MCM3AP: variants seen among roughly 807,000 people sequenced by gnomAD.
MCM3AP encodes germinal-center associated nuclear protein.
A neutral mutation model predicts 184.1 loss-of-function variants in MCM3AP; 126 were observed. The ratio of observed to expected loss-of-function variants is 0.68; its 90% confidence interval spans 0.59 to 0.79. The LOEUF (loss-of-function observed/expected upper bound fraction) is 0.79. Among genes scored for constraint, MCM3AP ranks in the 30% least tolerant of loss-of-function variants. The pLI is 0.00. For missense variants in MCM3AP, 2,496 were observed against 2,479.2 expected (o/e 1.01, Z -0.14); for synonymous variants, 1,002 against 979.3 (o/e 1.02, Z -0.43).
intron 16 of MCM3AP, among the ~76,000 whole-genome samples, chr21:46,258,587 T>C (rs1038040226): frequency 1.3e-5 from 2 of 152,342 alleles, no homozygotes; most frequent in Admixed American, 6.5e-5. Context: ...TTCACCCTTA[T>C]TGGTGCATGC....
intron 3 of MCM3AP, 83 bp downstream of exon 3, chr21:46,280,414 T>C (rs2081317116): frequency 1.9e-6 from 2 of 1,052,980 alleles, no homozygotes; most frequent in Non-Finnish European, 2.8e-6. Flanking sequence ...AAGATCAGAC[T>C]GGGCAACATA....
At chr21:46,261,711 C>T (rs1435825768) in intron 13 of MCM3AP, among the ~76,000 whole-genome samples, 5 of 136,438 alleles carry the variant, frequency 3.7e-5, no homozygotes, top group South Asian at 2.3e-4. Context: ...CCAGCCTGGG[C>T]GACACAGCGA....
intron 20 of MCM3AP, chr21:46,249,758 T>C: frequency 3.0e-6 from 1 of 334,040 alleles, no homozygotes; most frequent in South Asian, 2.4e-5. Context: ...TCCTGTGCAG[T>C]CTGTGTTTGC....
chr21:46,281,135 T>C (rs1254707294), intron 2 of MCM3AP, among the ~76,000 whole-genome samples: 1 of 152,184 alleles, frequency 6.6e-6, no homozygotes, highest in Non-Finnish European at 1.5e-5. Flanking sequence ...CTTTGCTTCA[T>C]AGAACTCACA....
intron 26 of MCM3AP, 132 bp from the exon 27 acceptor site, chr21:46,237,111 T>TG (rs2080550639): frequency 2.7e-6 from 1 of 368,670 alleles, no homozygotes; most frequent in Non-Finnish European, 4.5e-6. Context: ...TTTTTTTTTT[T>TG]TTTTTTTTGA....
chr21:46,269,389 G>A (rs2081153001), intron 9 of MCM3AP, among the ~76,000 whole-genome samples: 1 of 152,142 alleles, frequency 6.6e-6, no homozygotes, highest in African/African-American at 2.4e-5. Context: ...CAAGGTGCCA[G>A]GATAACAGGT....
At chr21:46,276,863 A>T (rs1200160008) in intron 5 of MCM3AP, among the ~76,000 whole-genome samples, 1 of 151,568 alleles carries the variant, frequency 6.6e-6, no homozygotes, top group Non-Finnish European at 1.5e-5. Flanking sequence ...TCAGCCTCCC[A>T]GGTAGCTGGG....
In MCM3AP at chr21:46,260,214, A is replaced by T. The variant is rs17176548; in HGVS notation, c.3581+579T>A. The stretch of plus-strand genomic sequence containing the variant: ...AGAATTAAGTGGAACAGGGTGCCAA[A>T]TTATAGGTCCATAGGGGCCCTCGTA... On this transcript the variant is annotated intron_variant, in intron 15 of 27. Transcript: ENST00000291688. Among the ~76,000 whole-genome samples, 504 of 152,360 alleles carry T rather than the reference A, an allele frequency of 3.3e-3. 1 individual carries two copies. The highest frequency in any genetic ancestry group is 0.012 in the African/African-American group (489 of 41,584).
At position 46,273,404 on chromosome 21, in the gene MCM3AP, G is replaced by A. The variant is rs771535999; in HGVS notation, c.2180C>T (p.Thr727Met). ...AGCCAATACCTTCCGTATGCCACGC[G>A]TGCGGTTCCACACGAAGTCATACCA... is the stretch of plus-strand genomic sequence containing the variant. ...RDWYDFVWNRTRGIRKDITQQ... is the reference protein window; with the variant it reads ...RDWYDFVWNRMRGIRKDITQQ... Residue 727 changes from threonine (T) to methionine (M), a missense_variant, in exon 7 of 28, where the codon ACG (threonine) becomes ATG (methionine). Thr to Met is a moderately conservative substitution (Grantham distance 81, BLOSUM62 -1). Transcript: ENST00000291688. The A allele has an allele frequency of 1.1e-5, 18 of 1,613,972 alleles. No individual in the cohort carries two copies. The highest frequency in any genetic ancestry group is 1.5e-5 in the Non-Finnish European group (18 of 1,179,848).
Position 46,261,260 on chromosome 21 carries a change from C to T in MCM3AP, c.3467+20G>A. The T allele has an allele frequency of 6.2e-7, 1 of 1,613,184 alleles. No individual in the cohort carries two copies. The highest frequency in any genetic ancestry group is 8.5e-7 in the Non-Finnish European group (1 of 1,179,826). On this transcript the variant is annotated intron_variant, in intron 14 of 27. Coordinates refer to ENST00000291688, the MANE Select transcript of MCM3AP (RefSeq NM_003906.5). Reference sequence around the variant, plus strand: ...CCACACTGAGCTCCTTATTCGGCTGCATGGACAAGACACACTTACCTTTCC... The same window carrying T: ...CCACACTGAGCTCCTTATTCGGCTGTATGGACAAGACACACTTACCTTTCC...
Position 46,275,343 on chromosome 21 carries a change from A to C in MCM3AP, c.1859-18T>G. On this transcript the variant is annotated intron_variant, in intron 5 of 27. Coordinates refer to ENST00000291688, the MANE Select transcript of MCM3AP (RefSeq NM_003906.5). ...CACCCGAGCTAAATGACGTCAAGTA[A>C]AAGGTAAGAATGTACCACATGGTTA... The C allele has an allele frequency of 1.2e-6, 2 of 1,608,724 alleles. No homozygotes were observed. Among genetic ancestry groups the C allele is most frequent in the East Asian group, 4.5e-5 (2 of 44,630 alleles).
chr21:46,260,564 T>A (rs1205289251), intron 15 of MCM3AP, among the ~76,000 whole-genome samples: 1 of 152,260 alleles, frequency 6.6e-6, no homozygotes, highest in Non-Finnish European at 1.5e-5. Flanking sequence ...GATGGCTGAC[T>A]ATGATCATGT....
chr21:46,274,031 T>C (rs1350424032), intron 6 of MCM3AP, among the ~76,000 whole-genome samples: 1 of 152,130 alleles, frequency 6.6e-6, no homozygotes, highest in African/African-American at 2.4e-5. Flanking sequence ...TGGAATTGCA[T>C]CTCCCACCTC....
upstream of MCM3AP, chr21:46,285,720 T>G (rs1267728308): frequency 6.3e-6 from 1 of 158,578 alleles, no homozygotes; most frequent in Non-Finnish European, 1.4e-5. Flanking sequence ...GAGACGAATT[T>G]CTCCCGACTT....
At chr21:46,281,836 C>T (rs1404177715) in intron 2 of MCM3AP, among the ~76,000 whole-genome samples, 2 of 151,494 alleles carry the variant, frequency 1.3e-5, no homozygotes, top group African/African-American at 2.4e-5. Flanking sequence ...CCCCTCTCCA[C>T]TAAAACTACA....
At position 46,279,976 on chromosome 21, in the gene MCM3AP, G is replaced by T. The variant is rs201069939; in HGVS notation, c.1667+17C>A. 1.2e-5 allele frequency: 20 copies of T among 1,606,016 alleles called. No homozygotes were observed. In the East Asian group the frequency reaches 3.8e-4, roughly 31 times the overall value. On this transcript the variant is annotated intron_variant, in intron 4 of 27. Coordinates refer to ENST00000291688, the MANE Select transcript of MCM3AP (RefSeq NM_003906.5). ...TGGTCCTTCCGGAATAAGGTCATTA[G>T]GAGGGACCGATCCCACCTTTTATTC...
rs111796762 is a variant in MCM3AP, at chr21:46,278,895, A to C, written c.1667+1098T>G. Among the ~76,000 whole-genome samples, 868 of 150,934 alleles carry C rather than the reference A, an allele frequency of 5.8e-3. 5 individuals carry two copies. Among genetic ancestry groups the C allele is most frequent in the Non-Finnish European group, 0.01 (701 of 67,760 alleles). On this transcript the variant is annotated intron_variant, in intron 4 of 27. Coordinates refer to ENST00000291688, the MANE Select transcript of MCM3AP (RefSeq NM_003906.5). ...TCACCATATCAGCCAGGATGGTCTCAATCTCCTGACCTTGTGATCCGCCCG... is the reference window on the plus strand; with the variant it reads ...TCACCATATCAGCCAGGATGGTCTCCATCTCCTGACCTTGTGATCCGCCCG...
Position 46,284,441 on chromosome 21 carries a change from T to C in MCM3AP, c.846A>G (p.Glu282=), listed in dbSNP as rs750297297. 20 of 1,614,024 alleles carry C rather than the reference T, an allele frequency of 1.2e-5. No individual in the cohort carries two copies. In the Admixed American group the frequency reaches 2.0e-4, roughly 16 times the overall value. ...GTCCTTTCATTAGGCTGGGAAGTGGTTCCACCTGGGAAACAGCTTCTTCAC... is the reference window on the plus strand; with the variant it reads ...GTCCTTTCATTAGGCTGGGAAGTGGCTCCACCTGGGAAACAGCTTCTTCAC... ...QGCEEAVSQV[E]PLPSLMKGLK... Residue 282 remains glutamate, a synonymous_variant, in exon 1 of 28, where the codon GAA becomes GAG. Coordinates refer to ENST00000291688, the MANE Select transcript of MCM3AP (RefSeq NM_003906.5).
chr21:46,264,908 C>T (rs1395324600), intron 12 of MCM3AP, among the ~76,000 whole-genome samples: 1 of 151,748 alleles, frequency 6.6e-6, no homozygotes, highest in Non-Finnish European at 1.5e-5. Context: ...GACACACCCA[C>T]ACTCAGTCCA....
Sources: gnomAD v4.1 joint callset for allele counts (sites outside exome capture counted in the v4.1 genomes callset) on GRCh38, gnomAD v4.1.1 for gene constraint, MANE v1.5 for transcripts, NCBI Gene and HGNC (gene_info 2026-07-23, HGNC 2026-07-21) for gene names.